The following NLRP3 variants were observed in gnomAD, a reference collection of about 807,000 sequenced individuals.
The protein encoded by NLRP3 is NACHT, LRR and PYD domains-containing protein 3.
In NLRP3, 48 loss-of-function variants were observed where a neutral mutation model predicts 91.3. That is an observed-to-expected ratio of 0.53 (90% CI 0.42 to 0.67). The LOEUF is 0.67. Among genes scored for constraint, NLRP3 ranks in the 30% least tolerant of loss-of-function variants. The pLI is 0.00. For synonymous variants in NLRP3, 561 were observed against 507.9 expected (o/e 1.10, Z -1.41); for missense variants, 982 against 1,276.9 (o/e 0.77, Z 3.52).
intron 7 of NLRP3, among the ~76,000 whole-genome samples, chr1:247,441,274 T>C (rs934548810): frequency 6.7e-6 from 1 of 148,896 alleles, no homozygotes; most frequent in Non-Finnish European, 1.5e-5. Context: ...GGTTTTGCTC[T>C]GTGGCTCAGA....
chr1:247,425,676 CT>C lies in NLRP3; in HGVS notation c.2150+81del. ...TCTTGGCGCTTGCCTCCTCTCATCT[CT>C]TTTCAACTATCTTCCAAATACTGTT... On this transcript the variant is annotated intron_variant, in intron 4 of 9. Coordinates refer to ENST00000336119, the MANE Select transcript of NLRP3 (RefSeq NM_001243133.2). This position sits in a 1 kb window ranked among gnomAD's most constrained non-coding sequence, Gnocchi z 4.1. 3 of 1,334,068 alleles carry C rather than the reference CT, an allele frequency of 2.2e-6. No individual in the cohort carries two copies. The highest frequency in any genetic ancestry group is 3.2e-6 in the Non-Finnish European group (3 of 943,392). The allele number at this position is 1,334,068 out of a possible 1,614,324, so 82.6% of individuals were successfully genotyped here.
chr1:247,437,367 A>G (rs1188577477), intron 7 of NLRP3, among the ~76,000 whole-genome samples: 1 of 152,228 alleles, frequency 6.6e-6, no homozygotes, highest in African/African-American at 2.4e-5. Flanking sequence ...CCAGAGGAGT[A>G]ATCCACTAAT....
At chr1:247,445,919 T>C (rs1377232794) in intron 9 of NLRP3, among the ~76,000 whole-genome samples, 1 of 152,192 alleles carries the variant, frequency 6.6e-6, no homozygotes, top group Non-Finnish European at 1.5e-5. Flanking sequence ...TGCTGTGGCC[T>C]CCAGATTATA....
At chr1:247,440,580 T>C (rs1664138911) in intron 7 of NLRP3, among the ~76,000 whole-genome samples, 1 of 152,200 alleles carries the variant, frequency 6.6e-6, no homozygotes, top group Non-Finnish European at 1.5e-5. Flanking sequence ...TTTTGAGTCA[T>C]ATTGGATGAG....
In NLRP3 at chr1:247,437,102, A is replaced by G. The variant is rs74154642; in HGVS notation, c.2663+962A>G. On this transcript the variant is annotated intron_variant, in intron 7 of 9. Transcript: ENST00000336119. Reference sequence around the variant, plus strand: ...TTAATTCCCAGTGCATTGCCTTAGGAGATGTTGCTAATGGGCTCTCTACAG... The same window carrying G: ...TTAATTCCCAGTGCATTGCCTTAGGGGATGTTGCTAATGGGCTCTCTACAG... 5.7e-3 allele frequency among the ~76,000 whole-genome samples: 866 copies of G among 152,300 alleles called. 4 individuals carry two copies. The highest frequency in any genetic ancestry group is 0.02 in the African/African-American group (821 of 41,562).
In NLRP3 at chr1:247,418,980, T is replaced by C. The variant is rs199827519; in HGVS notation, c.180T>C (p.Asn60=). The change falls in exon 2 of 10, where the codon AAT becomes AAC. Residue 60 remains asparagine, a synonymous_variant. Transcript: ENST00000336119. ...VDLATLMIDF[N]GEEKAWAMAV... The stretch of plus-strand genomic sequence containing the variant: ...TAGCCACGCTAATGATCGACTTCAA[T>C]GGGGAGGAGAAGGCGTGGGCCATGG... 9 of 1,613,896 alleles carry C rather than the reference T, an allele frequency of 5.6e-6. No individual in the cohort carries two copies. Among genetic ancestry groups the C allele is most frequent in the Non-Finnish European group, 7.6e-6 (9 of 1,179,998 alleles).
Position 247,425,488 on chromosome 1 carries a change from G to A in NLRP3, c.2039G>A (p.Gly680Glu). The change falls in exon 4 of 10, where the codon GGG (glycine) becomes GAG (glutamate). Residue 680 changes from glycine to glutamate, a missense_variant. Coordinates refer to ENST00000336119, the MANE Select transcript of NLRP3 (RefSeq NM_001243133.2). This position sits in a 1 kb window ranked among gnomAD's most constrained non-coding sequence, Gnocchi z 4.1. The stretch of plus-strand genomic sequence containing the variant: ...CATCGGGTGGAGTCACTGTCCCTGG[G>A]GTTTCTCCATAACATGCCCAAGGAG... The part of the protein sequence containing the change: ...NCHRVESLSL[G>E]FLHNMPKEEE... The A allele has an allele frequency of 6.2e-7, 1 of 1,614,082 alleles. No individual in the cohort carries two copies. Among genetic ancestry groups the A allele is most frequent in the Non-Finnish European group, 8.5e-7 (1 of 1,180,026 alleles).
At position 247,448,526 on chromosome 1, in the gene NLRP3, A is replaced by G; in HGVS notation, c.*22A>G. 1 of 1,461,422 alleles carries G rather than the reference A, an allele frequency of 6.8e-7. No homozygotes were observed. The highest frequency in any genetic ancestry group is 1.1e-5 in the South Asian group (1 of 88,074). The allele number at this position is 1,461,422 out of a possible 1,614,324, so 90.5% of individuals were successfully genotyped here. Reference sequence around the variant, plus strand: ...GTAGGAGTGGAAACGGGGCTGCCAGACGCCAGTGTTCTCCGGTCCCTCCAG... The same window carrying G: ...GTAGGAGTGGAAACGGGGCTGCCAGGCGCCAGTGTTCTCCGGTCCCTCCAG... On this transcript the variant is annotated 3_prime_UTR_variant, in exon 10 of 10. Coordinates refer to ENST00000336119, the MANE Select transcript of NLRP3 (RefSeq NM_001243133.2).
In NLRP3 at chr1:247,448,568, GGA is replaced by G; in HGVS notation, c.*70_*71del. ...TCCCTCCAGCTGGGGGCCCTCAGGT[GGA>G]GAGAGCTGCGATCCATCCAGGCCAA... On this transcript the variant is annotated 3_prime_UTR_variant, in exon 10 of 10. Transcript: ENST00000336119. 1 of 953,166 alleles carries G rather than the reference GGA, an allele frequency of 1.0e-6. No homozygotes were observed. The highest frequency in any genetic ancestry group is 1.7e-5 in the Admixed American group (1 of 58,814). The allele number at this position is 953,166 out of a possible 1,614,324, so 59.0% of individuals were successfully genotyped here. A position where few individuals can be genotyped will look rare whatever the true frequency, so the allele number is the denominator to read the frequency against.
rs41311573 is a variant in NLRP3, at chr1:247,424,469, C to T, written c.1020C>T (p.Pro340=). 10,144 of 1,614,172 alleles carry T rather than the reference C, an allele frequency of 6.3e-3. 48 individuals are homozygous for T. The highest frequency in any genetic ancestry group is 7.2e-3 in the Non-Finnish European group (8,501 of 1,180,036). ...GCCTCATCAGAAAGAAGCTGCTTCC[C>T]GAGGCCTCTCTGCTCATCACCACGA... The part of the protein sequence containing the change: ...LSSLIRKKLL[P]EASLLITTRP... Residue 340 remains proline (P), a synonymous_variant, in exon 4 of 10, where the codon CCC becomes CCT. Coordinates refer to ENST00000336119, the MANE Select transcript of NLRP3 (RefSeq NM_001243133.2). The surrounding 1 kb of genome is among the most constrained non-coding windows in gnomAD (Gnocchi z 8.1).
chr1:247,420,166 G>A (rs1285205942), intron 2 of NLRP3, among the ~76,000 whole-genome samples: 1 of 152,140 alleles, frequency 6.6e-6, no homozygotes, highest in African/African-American at 2.4e-5. Context: ...CTAATGATAA[G>A]TGATGCTGAG....
intron 4 of NLRP3, among the ~76,000 whole-genome samples, chr1:247,426,689 C>G (rs547023470): frequency 6.6e-6 from 1 of 152,334 alleles, no homozygotes; most frequent in Admixed American, 6.5e-5. Context: ...GACTTGAGGT[C>G]TGGCTGTGGG....
chr1:247,432,509 T>C (rs937654785), intron 5 of NLRP3, among the ~76,000 whole-genome samples: 8 of 152,212 alleles, frequency 5.3e-5, no homozygotes, highest in African/African-American at 1.9e-4. Flanking sequence ...AAATTTCAAA[T>C]CGTAGTGCCA....
chr1:247,442,367 G>A (rs1049393112), intron 7 of NLRP3, among the ~76,000 whole-genome samples: 2 of 152,158 alleles, frequency 1.3e-5, no homozygotes, highest in Non-Finnish European at 2.9e-5. Context: ...AATCACCTGC[G>A]CTATTCCTGG....
chr1:247,417,558 C>T (rs545261863), intron 1 of NLRP3, among the ~76,000 whole-genome samples: 1 of 151,960 alleles, frequency 6.6e-6, no homozygotes, highest in South Asian at 2.1e-4. Flanking sequence ...CTTGGCTCAT[C>T]GCAACCTCCG....
chr1:247,435,924 A>G, intron 6 of NLRP3, 46 bp from the exon 7 acceptor site: 1 of 1,598,020 alleles, frequency 6.3e-7, no homozygotes, highest in Non-Finnish European at 8.6e-7. Flanking sequence ...TCCATGGTGG[A>G]GCGTGGGTGA....
At chr1:247,437,870 C>T (rs1663908894) in intron 7 of NLRP3, among the ~76,000 whole-genome samples, 1 of 152,226 alleles carries the variant, frequency 6.6e-6, no homozygotes, top group African/African-American at 2.4e-5. Flanking sequence ...GTGGGATGGG[C>T]TGTGAAGGAG....
chr1:247,438,595 G>T (rs1009598721), intron 7 of NLRP3, among the ~76,000 whole-genome samples: 1 of 152,112 alleles, frequency 6.6e-6, no homozygotes, highest in Non-Finnish European at 1.5e-5. Flanking sequence ...TGTTTGCCAG[G>T]CTGGTCTCGA....
chr1:247,423,279 C>T lies in NLRP3; in HGVS notation c.327C>T (p.Asp109=), dbSNP rs201147343. The change falls in exon 3 of 10, where the codon GAC becomes GAT. Residue 109 remains aspartate (D), a synonymous_variant. Coordinates refer to ENST00000336119, the MANE Select transcript of NLRP3 (RefSeq NM_001243133.2). Reference sequence around the variant, plus strand: ...ATCCCACTGTGATATGCCAGGAAGACAGCATTGAAGAGGAGTGGATGGGTT... The same window carrying T: ...ATCCCACTGTGATATGCCAGGAAGATAGCATTGAAGAGGAGTGGATGGGTT... The part of the protein sequence containing the change: ...VSNPTVICQE[D]SIEEEWMGLL... The T allele has an allele frequency of 3.1e-6, 5 of 1,613,716 alleles. No individual in the cohort carries two copies. Among genetic ancestry groups the T allele is most frequent in the Non-Finnish European group, 4.2e-6 (5 of 1,179,896 alleles).
Sources: gnomAD v4.1 joint callset for allele counts (sites outside exome capture counted in the v4.1 genomes callset) on GRCh38, gnomAD v4.1.1 for gene constraint, Gnocchi (gnomAD v3.1) non-coding constraint, MANE v1.5 for transcripts, NCBI Gene and HGNC (gene_info 2026-07-23, HGNC 2026-07-21) for gene names.